ALG1L2: variants seen among roughly 807,000 people sequenced by gnomAD.
ALG1L2 encodes the protein putative glycosyltransferase ALG1L2.
ALG1L2 carries 32 observed loss-of-function variants against 29.0 expected under a neutral mutation model. The ratio of observed to expected loss-of-function variants is 1.10; its 90% confidence interval spans 0.83 to 1.48. The LOEUF is 1.48. Ranked by LOEUF, ALG1L2 falls within the 40% of genes most tolerant of loss-of-function variation. The pLI, the probability that ALG1L2 is intolerant of heterozygous loss-of-function variation, is 0.00. For synonymous variants in ALG1L2, 110 were observed against 109.5 expected, an observed-to-expected ratio of 1.00 and a Z score of -0.03; for missense variants, 318 against 274.1, an observed-to-expected ratio of 1.16 and a Z score of -1.13.
rs755516295 is a variant in ALG1L2, at chr3:130,091,242, T to C, written c.21-19T>C. 6.3e-7 allele frequency: 1 copy of C among 1,595,062 alleles called. No individual in the cohort carries two copies. The highest frequency in any genetic ancestry group is 1.1e-5 in the South Asian group (1 of 90,844). On this transcript the variant is annotated intron_variant, in intron 1 of 7. Coordinates refer to ENST00000425059, the MANE Select transcript of ALG1L2 (RefSeq NM_001136152.1). ...CCATGCTGGACTAATGCAATAGCCCTGCCATGATTTCATTGCAGGGCTGTG... is the reference window on the plus strand; with the variant it reads ...CCATGCTGGACTAATGCAATAGCCCCGCCATGATTTCATTGCAGGGCTGTG...
intron 4 of ALG1L2, 172 bp from the exon 5 acceptor site, chr3:130,094,231 T>C (rs1935081798): frequency 1.3e-6 from 1 of 751,452 alleles, no homozygotes; most frequent in African/African-American, 1.7e-5. Context: ...CCCCTGCAGG[T>C]CTTGGGGCTC....
In ALG1L2 at chr3:130,085,872, C is replaced by T. The variant is rs199569378; in HGVS notation, c.20+3836C>T. Among the ~76,000 whole-genome samples, 695 of 149,936 alleles carry T rather than the reference C, an allele frequency of 4.6e-3. 6 individuals carry two copies. The South Asian group carries it at 0.057, about 12-fold the overall frequency. ...CTCCGCAAAAACGCAATGTTTCTCC[C>T]GCAGCACTTAGCAGCCCAGGTGAAG... On this transcript the variant is annotated intron_variant, in intron 1 of 7. Coordinates refer to ENST00000425059, the MANE Select transcript of ALG1L2 (RefSeq NM_001136152.1).
At chr3:130,090,585 C>CT (rs369245308) in intron 1 of ALG1L2, 87 of 152,556 alleles carry the variant, frequency 5.7e-4, no homozygotes, top group African/African-American at 2.0e-3. Context: ...TAATTTACAA[C>CT]TTAATAGTCA....
chr3:130,088,986 T>A (rs183988786), intron 1 of ALG1L2, among the ~76,000 whole-genome samples: 7 of 152,410 alleles, frequency 4.6e-5, no homozygotes, highest in African/African-American at 1.7e-4. Context: ...CAGTCTGAAA[T>A]CCTTGTGATG....
intron 2 of ALG1L2, 108 bp from the exon 3 acceptor site, chr3:130,091,993 G>A (rs1352621842): frequency 1.3e-6 from 2 of 1,547,240 alleles, no homozygotes; most frequent in African/African-American, 1.4e-5. Flanking sequence ...ATGCAGCCGG[G>A]CACCCCAACC....
intron 6 of ALG1L2, among the ~76,000 whole-genome samples, chr3:130,096,431 C>A (rs531180589): frequency 7.7e-4 from 90 of 116,870 alleles, no homozygotes; most frequent in African/African-American, 2.6e-3. Flanking sequence ...TACTTTTGCA[C>A]CAACCCAGTA....
intron 5 of ALG1L2, among the ~76,000 whole-genome samples, chr3:130,095,039 C>T (rs1400851678): frequency 1.3e-5 from 2 of 152,184 alleles, no homozygotes; most frequent in Non-Finnish European, 2.9e-5. Flanking sequence ...CAGGATTCTC[C>T]AGCTAGTCTT....
intron 1 of ALG1L2, among the ~76,000 whole-genome samples, chr3:130,082,624 C>A (rs1172506610): frequency 7.2e-6 from 1 of 139,024 alleles, no homozygotes; most frequent in South Asian, 2.3e-4. Flanking sequence ...AGGCATGAGC[C>A]CCTGCAGCCA....
At chr3:130,082,643 CTA>C (rs1185587897) in intron 1 of ALG1L2, among the ~76,000 whole-genome samples, 7 of 144,972 alleles carry the variant, frequency 4.8e-5, no homozygotes, top group South Asian at 2.2e-4. Flanking sequence ...CAGTCTGAAT[CTA>C]TGTTTTATCA....
intron 1 of ALG1L2, among the ~76,000 whole-genome samples, chr3:130,084,739 C>T (rs1421495123): frequency 7.9e-6 from 1 of 126,916 alleles, no homozygotes; most frequent in Non-Finnish European, 1.8e-5. Context: ...CAGGGCCAGG[C>T]TCCCTCTGAG....
At chr3:130,097,026 A>C (rs1230199544) in intron 6 of ALG1L2, 149 bp from the exon 7 acceptor site, 3 of 1,445,520 alleles carry the variant, frequency 2.1e-6, no homozygotes, top group Non-Finnish European at 2.7e-6. Context: ...TTCAGATGCC[A>C]AATCTAAGAA....
intron 1 of ALG1L2, among the ~76,000 whole-genome samples, chr3:130,090,027 A>G (rs193116126): frequency 1.2e-3 from 182 of 148,434 alleles, no homozygotes; most frequent in Non-Finnish European, 1.9e-3. Context: ...GGGGGACAAA[A>G]GTGAAAAATC....
chr3:130,089,675 C>T (rs1463755397), intron 1 of ALG1L2, among the ~76,000 whole-genome samples: 1 of 152,292 alleles, frequency 6.6e-6, no homozygotes, highest in East Asian at 1.9e-4. Context: ...CATTATATTT[C>T]TATTGGACAG....
chr3:130,094,770 C>A (rs1378473498), intron 5 of ALG1L2, among the ~76,000 whole-genome samples: 1 of 152,210 alleles, frequency 6.6e-6, no homozygotes, highest in Non-Finnish European at 1.5e-5. Flanking sequence ...ATTCAGTCCT[C>A]TTCCTTCCTG....
Position 130,097,555 on chromosome 3 carries a change from C to T in ALG1L2, c.615+305C>T, listed in dbSNP as rs1313508371. ...AGGAAGTGATCAGGATCAGGTAGTG[C>T]GTGGGCTAAGGGAACTTCTGGGACC... On this transcript the variant is annotated intron_variant, in intron 7 of 7. Coordinates refer to ENST00000425059, the MANE Select transcript of ALG1L2 (RefSeq NM_001136152.1). 5.3e-5 allele frequency among the ~76,000 whole-genome samples: 8 copies of T among 152,264 alleles called. No homozygotes were observed. In the South Asian group the frequency reaches 1.2e-3, roughly 24 times the overall value.
At chr3:130,087,340 C>G (rs2108116479) in intron 1 of ALG1L2, among the ~76,000 whole-genome samples, 1 of 148,900 alleles carries the variant, frequency 6.7e-6, no homozygotes, top group African/African-American at 2.4e-5. Context: ...TTGCGTTCTT[C>G]AAGAATGCCA....
At position 130,094,222 on chromosome 3, in the gene ALG1L2, C is replaced by A. The variant is rs556946325; in HGVS notation, c.314-181C>A. 1.1e-5 allele frequency: 8 copies of A among 703,188 alleles called. No individual in the cohort carries two copies. The East Asian group carries it at 1.9e-4, about 17-fold the overall frequency. The allele number at this position is 703,188 out of a possible 1,614,324, so 43.6% of individuals were successfully genotyped here. On this transcript the variant is annotated intron_variant, in intron 4 of 7. Transcript: ENST00000425059. ...GCATCAGGGGTCAGGGTGCACATAC[C>A]CCTGCAGGTCTTGGGGCTCCTGAGT...
intron 7 of ALG1L2, 132 bp from the exon 8 acceptor site, chr3:130,098,091 G>C (rs1302440954): frequency 3.2e-6 from 4 of 1,242,070 alleles, no homozygotes; most frequent in African/African-American, 3.0e-5. Context: ...GCTGGGGTGT[G>C]AAGGGTCTCA....
chr3:130,086,984 A>T (rs2588003), intron 1 of ALG1L2, among the ~76,000 whole-genome samples: 1 of 151,088 alleles, frequency 6.6e-6, no homozygotes, highest in Admixed American at 6.6e-5. Flanking sequence ...AGGTTCCAGA[A>T]CCTTCCTTTC....
Sources: gnomAD v4.1 joint callset for allele counts (sites outside exome capture counted in the v4.1 genomes callset) on GRCh38, gnomAD v4.1.1 for gene constraint, MANE v1.5 for transcripts, NCBI Gene and HGNC (gene_info 2026-07-23, HGNC 2026-07-21) for gene names.